ZNF718: variants seen among roughly 807,000 people sequenced by gnomAD.
The protein encoded by ZNF718 is zinc finger protein 718.
A neutral mutation model predicts 2.6 loss-of-function variants in ZNF718; 3 were observed. The observed-to-expected ratio is 1.16, with a 90% CI of 0.53 to 3.01. The LOEUF is 3.01. Among genes scored for constraint, ZNF718 ranks in the 30% most tolerant of loss-of-function variants. The pLI is 0.03. For synonymous variants in ZNF718, 135 were observed against 77.9 expected (o/e 1.73, Z -3.86); for missense variants, 468 against 230.0 (o/e 2.03, Z -6.69).
intron 3 of ZNF718, among the ~76,000 whole-genome samples, chr4:149,372 G>C (rs1407278057): frequency 1.3e-5 from 2 of 152,132 alleles, no homozygotes; most frequent in Non-Finnish European, 2.9e-5. Context: ...AAAAACTGTA[G>C]TTATTTAAAG....
intron 1 of ZNF718, among the ~76,000 whole-genome samples, chr4:130,267 G>A (rs1350967990): frequency 9.7e-6 from 1 of 103,548 alleles, no homozygotes; most frequent in African/African-American, 3.4e-5. Context: ...TTTCAAACCT[G>A]CAGAATTTTG....
In ZNF718 at chr4:161,181, A is replaced by G. The variant is rs782024795; in HGVS notation, c.496A>G (p.Thr166Ala). The change falls in exon 4 of 4, where the codon ACT (threonine) becomes GCT (alanine). Residue 166 changes from threonine to alanine, a missense_variant. Coordinates refer to ENST00000510175, the MANE Select transcript of ZNF718 (RefSeq NM_001039127.6). ...TTCAAACAAAGATAAGATAAGATATACTGGAGATAAAACCTTTAAATGTAA... is the reference window on the plus strand; with the variant it reads ...TTCAAACAAAGATAAGATAAGATATGCTGGAGATAAAACCTTTAAATGTAA... Reference protein sequence around the residue: ...SNSNKDKIRYTGDKTFKCKEC... With the variant: ...SNSNKDKIRYAGDKTFKCKEC... The G allele has an allele frequency of 1.3e-6, 1 of 768,374 alleles. No individual in the cohort carries two copies. The highest frequency in any genetic ancestry group is 2.4e-6 in the Non-Finnish European group (1 of 412,250). 47.6% of individuals were successfully genotyped at this position (768,374 alleles called of 1,614,324 possible).
rs987876025 is a variant in ZNF718 at position 174,287 on chromosome 4, G to C, written c.227-26794G>C. Among the ~76,000 whole-genome samples, 3 of 152,064 alleles carry C rather than the reference G, an allele frequency of 2.0e-5. 1 individual carries two copies. The highest frequency in any genetic ancestry group is 4.4e-5 in the Non-Finnish European group (3 of 68,006). On this transcript the variant is annotated intron_variant and NMD_transcript_variant, in intron 3 of 4. Transcript: ENST00000642529. ...CAGCCACCCTCTCTGGGAACGTTTTGTGGCCCTTATTCCAAATTTGTCTAA... is the reference window on the plus strand; with the variant it reads ...CAGCCACCCTCTCTGGGAACGTTTTCTGGCCCTTATTCCAAATTTGTCTAA...
At chr4:160,830 C>T (rs1185265108) in intron 3 of ZNF718, 82 bp from the exon 4 acceptor site, 4 of 664,018 alleles carry the variant, frequency 6.0e-6, no homozygotes, top group South Asian at 3.9e-5. Context: ...GAATTACTGG[C>T]TTGAGCTATA....
intron 1 of ZNF718, chr4:125,420 G>A (rs1715163182): frequency 6.6e-6 from 1 of 152,470 alleles, no homozygotes. Context: ...GAGAGCAGCT[G>A]CGGGAAGAGT....
At chr4:177,348 G>A (rs67379719) in intron 3 of ZNF718, among the ~76,000 whole-genome samples, 36,041 of 152,056 alleles carry the variant, frequency 0.24, 4,568 homozygotes, top group Non-Finnish European at 0.29. Flanking sequence ...GAATAAATTC[G>A]CCTTATGCTA....
chr4:175,806 A>G (rs1403760923), intron 3 of ZNF718, among the ~76,000 whole-genome samples: 1 of 151,402 alleles, frequency 6.6e-6, no homozygotes, highest in South Asian at 2.1e-4. Flanking sequence ...TCAAAGCCAT[A>G]ATCTGAATAG....
At chr4:165,761 T>A (rs1717071205), downstream of ZNF718, among the ~76,000 whole-genome samples, 1 of 152,192 alleles carries the variant, frequency 6.6e-6, no homozygotes, top group East Asian at 1.9e-4. Flanking sequence ...ATGGCGTCAC[T>A]GCACTCCAGC....
rs1243315989 is a variant in ZNF718, at chr4:131,389, AT to A, written c.131-11del. On this transcript the variant is annotated intron_variant, in intron 2 of 3. Transcript: ENST00000510175. ...AGTATCCCCAGCAATAGTCATGTTA[AT>A]TTTTTTTTTAATAAAACAGGTGTTA... The A allele has an allele frequency of 6.0e-3, 2,081 of 347,240 alleles. No individual in the cohort carries two copies. Among genetic ancestry groups the A allele is most frequent in the South Asian group, 0.011 (177 of 16,706 alleles). 21.5% of individuals were successfully genotyped at this position (347,240 alleles called of 1,614,324 possible).
At chr4:167,878 C>T (rs1396506463), downstream of ZNF718, among the ~76,000 whole-genome samples, 2 of 152,094 alleles carry the variant, frequency 1.3e-5, no homozygotes, top group African/African-American at 4.8e-5. Context: ...CCAGAACTTC[C>T]AATACTGTGT....
intron 3 of ZNF718, among the ~76,000 whole-genome samples, chr4:185,424 A>G (rs1291204715): frequency 3.3e-5 from 5 of 152,136 alleles, no homozygotes; most frequent in South Asian, 2.1e-4. Context: ...TACTGATTAT[A>G]TGGTCAATTT....
rs1553807508 is a variant in ZNF718 at position 124,524 on chromosome 4, A to G, written c.-147A>G. 16 of 1,123,006 alleles carry G rather than the reference A, an allele frequency of 1.4e-5. 1 individual carries two copies. The highest frequency in any genetic ancestry group is 1.2e-4 in the South Asian group (10 of 81,222). 69.6% of individuals were successfully genotyped at this position (1,123,006 alleles called of 1,614,324 possible). On this transcript the variant is annotated 5_prime_UTR_variant, in exon 1 of 4. Coordinates refer to ENST00000510175, the MANE Select transcript of ZNF718 (RefSeq NM_001039127.6). ...GCGGCTTTTGCTTGTAGCTCCAGCC[A>G]GAGCTCGGTTAGGGCCTCATCGCTC... is the stretch of plus-strand genomic sequence containing the variant.
At chr4:201,351 C>T (rs1285175266) in intron 4 of ZNF718, 1 of 152,428 alleles carries the variant, frequency 6.6e-6, no homozygotes, top group Non-Finnish European at 1.5e-5. Context: ...GTGATTTCAA[C>T]CTAGCTTGCT....
chr4:141,987 A>C (rs1581433839), intron 3 of ZNF718: 1 of 519,018 alleles, frequency 1.9e-6, no homozygotes, highest in Non-Finnish European at 3.9e-6. Flanking sequence ...TATTTCCAGC[A>C]GGTAAAAAAG....
intron 3 of ZNF718, among the ~76,000 whole-genome samples, chr4:181,859 C>G (rs1026251118): frequency 3.9e-5 from 6 of 152,096 alleles, no homozygotes; most frequent in Non-Finnish European, 5.9e-5. Context: ...TTTTTCCCCC[C>G]ATGTGTACAT....
intron 3 of ZNF718, among the ~76,000 whole-genome samples, chr4:187,701 C>T (rs1018551004): frequency 2.0e-5 from 3 of 152,106 alleles, no homozygotes; most frequent in African/African-American, 7.2e-5. Context: ...TTGGAGGTCT[C>T]ACCCAATCAG....
rs193036311 is a variant in ZNF718, at chr4:162,715, T to C, written c.*593T>C. ...CAGTTGCCCAAACTTTCTTTGACAT[T>C]AGAGAATTTATATTGGAAAGAAATT... On this transcript the variant is annotated 3_prime_UTR_variant, in exon 4 of 4. Coordinates refer to ENST00000510175, the MANE Select transcript of ZNF718 (RefSeq NM_001039127.6). 6.6e-6 allele frequency: 1 copy of C among 152,286 alleles called. No homozygotes were observed. Among genetic ancestry groups the C allele is most frequent in the African/African-American group, 2.4e-5 (1 of 41,558 alleles). The allele number at this position is 152,286 out of a possible 1,614,324, so 9.4% of individuals were successfully genotyped here.
intron 3 of ZNF718, among the ~76,000 whole-genome samples, chr4:175,039 C>G (rs1434583448): frequency 5.9e-5 from 9 of 152,152 alleles, no homozygotes; most frequent in African/African-American, 2.2e-4. Flanking sequence ...TCAATTACAT[C>G]TATGCCTTAG....
intron 3 of ZNF718, among the ~76,000 whole-genome samples, chr4:160,456 G>A (rs1034076961): frequency 1.3e-5 from 2 of 152,012 alleles, no homozygotes; most frequent in Admixed American, 1.3e-4. Flanking sequence ...TATGGCCTGT[G>A]GTATTTACTG....
Sources: gnomAD v4.1 joint callset for allele counts (sites outside exome capture counted in the v4.1 genomes callset) on GRCh38, gnomAD v4.1.1 for gene constraint, MANE v1.5 for transcripts, NCBI Gene and HGNC (gene_info 2026-07-23, HGNC 2026-07-21) for gene names.